Variants in ENTREP2 observed in about 807,000 individuals in gnomAD.
ENTREP2 encodes the protein protein ENTREP2.
the ENTREP2 span, among the ~76,000 whole-genome samples, chr15:29,523,897 A>C: frequency 1.8e-3 from 272 of 152,278 alleles, no homozygotes; most frequent in African/African-American, 6.4e-3. Flanking sequence ...AAAATTGATC[A>C]AAGACCTAAA....
chr15:29,417,609 G>A, the ENTREP2 span, among the ~76,000 whole-genome samples: 6 of 151,814 alleles, frequency 4.0e-5, no homozygotes, highest in Non-Finnish European at 4.4e-5. Flanking sequence ...AAACCTGCAC[G>A]TTGTGCACAG....
the ENTREP2 span, among the ~76,000 whole-genome samples, chr15:29,128,588 G>A: frequency 5.9e-5 from 9 of 152,168 alleles, no homozygotes; most frequent in Non-Finnish European, 1.0e-4. Context: ...TGTAGTGGAT[G>A]CAGACACAGG....
chr15:29,393,349 C>T, the ENTREP2 span, among the ~76,000 whole-genome samples: 1 of 152,216 alleles, frequency 6.6e-6, no homozygotes, highest in African/African-American at 2.4e-5. Context: ...AGGGCCTCAG[C>T]TCACAGCACA....
At chr15:29,153,135 G>T in the ENTREP2 span, among the ~76,000 whole-genome samples, 1 of 140,358 alleles carries the variant, frequency 7.1e-6, no homozygotes, top group Admixed American at 7.2e-5. Flanking sequence ...CTAATTGATT[G>T]TAATGTTTAC....
At chr15:29,558,774 C>T in the ENTREP2 span, among the ~76,000 whole-genome samples, 1 of 49,628 alleles carries the variant, frequency 2.0e-5, no homozygotes, top group Admixed American at 2.4e-4. Flanking sequence ...CCTCAGCCCA[C>T]TCAGTGGGAA....
At chr15:29,489,286 T>A in the ENTREP2 span, among the ~76,000 whole-genome samples, 2 of 152,190 alleles carry the variant, frequency 1.3e-5, no homozygotes, top group African/African-American at 4.8e-5. Context: ...GGTACTGATT[T>A]AAGATAATAT....
chr15:29,247,157 G>A, the ENTREP2 span, among the ~76,000 whole-genome samples: 2 of 152,094 alleles, frequency 1.3e-5, no homozygotes, highest in Non-Finnish European at 2.9e-5. Context: ...ACAAACATAT[G>A]GAAATGTAGT....
the ENTREP2 span, among the ~76,000 whole-genome samples, chr15:29,161,074 C>A: frequency 6.6e-6 from 1 of 152,144 alleles, no homozygotes; most frequent in African/African-American, 2.4e-5. Flanking sequence ...GGTCATGGAC[C>A]TGACGTTCCG....
At chr15:29,522,386 A>T in the ENTREP2 span, among the ~76,000 whole-genome samples, 1 of 152,252 alleles carries the variant, frequency 6.6e-6, no homozygotes, top group Non-Finnish European at 1.5e-5. Flanking sequence ...TCAAACTTTA[A>T]TAAAAATGAT....
the ENTREP2 span, among the ~76,000 whole-genome samples, chr15:29,587,187 G>A: frequency 3.7e-5 from 5 of 136,146 alleles, no homozygotes; most frequent in African/African-American, 1.4e-4. Flanking sequence ...GTGTGTGTGT[G>A]TGTTTCGTAG....
the ENTREP2 span, among the ~76,000 whole-genome samples, chr15:29,541,317 G>A: frequency 6.6e-6 from 1 of 152,190 alleles, no homozygotes; most frequent in Admixed American, 6.5e-5. Context: ...AGCACCTGCC[G>A]TAGGCCAAGC....
chr15:29,447,080 G>A, the ENTREP2 span, among the ~76,000 whole-genome samples: 42 of 152,218 alleles, frequency 2.8e-4, no homozygotes, highest in South Asian at 7.1e-3. Context: ...TTTGTGGAGG[G>A]GGGTCACTAT....
chr15:29,183,418 G>A, the ENTREP2 span, among the ~76,000 whole-genome samples: 2 of 152,174 alleles, frequency 1.3e-5, no homozygotes, highest in Non-Finnish European at 2.9e-5. Flanking sequence ...CTTCCCCTGT[G>A]AGCCAGCAAG....
the ENTREP2 span, among the ~76,000 whole-genome samples, chr15:29,617,232 T>C: frequency 4.6e-5 from 7 of 152,258 alleles, no homozygotes; most frequent in African/African-American, 1.4e-4. Flanking sequence ...GGGGAGCTTA[T>C]GGTGTAAGTC....
At chr15:29,401,766 C>T in the ENTREP2 span, among the ~76,000 whole-genome samples, 47 of 152,224 alleles carry the variant, frequency 3.1e-4, no homozygotes, top group East Asian at 8.9e-3. Flanking sequence ...AAAAAGACTT[C>T]GGTATTTACA....
chr15:29,374,159 T>C, the ENTREP2 span: 1 of 152,162 alleles, frequency 6.6e-6, no homozygotes. Context: ...CACATCAATG[T>C]AACACAGTCT....
At chr15:29,672,857 G>T in the ENTREP2 span, among the ~76,000 whole-genome samples, 1 of 152,106 alleles carries the variant, frequency 6.6e-6, no homozygotes, top group Non-Finnish European at 1.5e-5. Context: ...ACCAGGAAAG[G>T]GTTCTTGGAT....
chr15:29,649,799 A>T, the ENTREP2 span, among the ~76,000 whole-genome samples: 1 of 152,108 alleles, frequency 6.6e-6, no homozygotes, highest in African/African-American at 2.4e-5. Flanking sequence ...GGCTAAAATC[A>T]GGTTGTTCTG....
the ENTREP2 span, among the ~76,000 whole-genome samples, chr15:29,399,059 G>A: frequency 3.9e-5 from 6 of 152,308 alleles, no homozygotes; most frequent in South Asian, 1.0e-3. Context: ...GAAGAAGTGG[G>A]CTGCCATGTG....
Sources: allele counts gnomAD v4.1 joint callset (sites outside exome capture counted in the v4.1 genomes callset), GRCh38; gene constraint gnomAD v4.1.1; transcripts MANE v1.5; gene names NCBI Gene and HGNC (gene_info 2026-07-23, HGNC 2026-07-21).